Variants in LMNB2 observed in about 807,000 individuals in gnomAD.
LMNB2 encodes the protein lamin-B2.
In LMNB2, 17 loss-of-function variants were observed where a neutral mutation model predicts 69.3. The ratio of observed to expected loss-of-function variants is 0.25; its 90% CI spans 0.17 to 0.37. The LOEUF (loss-of-function observed/expected upper bound fraction) is 0.37, where lower values mean the gene tolerates loss of function less well. Among genes scored for constraint, LMNB2 ranks in the 10% least tolerant of loss-of-function variants. The pLI is 1.00. For missense variants in LMNB2, 789 were observed against 883.6 expected (o/e 0.89, Z 1.36); for synonymous variants, 397 against 389.3 (o/e 1.02, Z -0.23).
chr19:2,448,630 G>A (rs780617230), intron 1 of LMNB2, among the ~76,000 whole-genome samples: 9 of 152,080 alleles, frequency 5.9e-5, no homozygotes, highest in Non-Finnish European at 1.3e-4. Flanking sequence ...GGCGGATTAC[G>A]AGGTTAGGAG....
At chr19:2,434,717 C>A in intron 6 of LMNB2, 71 bp downstream of exon 6, 2 of 1,544,982 alleles carry the variant, frequency 1.3e-6, no homozygotes, top group Non-Finnish European at 8.7e-7. Flanking sequence ...GAGCCCCACG[C>A]CCCGCACATC....
At chr19:2,436,705 C>T (rs62119865) in intron 4 of LMNB2, 1 of 154,868 alleles carries the variant, frequency 6.5e-6, no homozygotes, top group Non-Finnish European at 1.4e-5. Context: ...GGCCGCGCAC[C>T]CACCTCCACG....
At chr19:2,431,308 C>T (rs564612685) in intron 11 of LMNB2, among the ~76,000 whole-genome samples, 1 of 152,168 alleles carries the variant, frequency 6.6e-6, no homozygotes, top group African/African-American at 2.4e-5. Context: ...TCTCAGGGGA[C>T]CCCCTGGCCA....
rs1413683076 is a variant in LMNB2 at position 2,429,399 on chromosome 19, G to C, written c.*1512C>G. 1 of 152,308 alleles carries C rather than the reference G, an allele frequency of 6.6e-6. No individual in the cohort carries two copies. Among genetic ancestry groups the C allele is most frequent in the African/African-American group, 2.4e-5 (1 of 41,472 alleles). The allele number at this position is 152,308 out of a possible 1,614,324, so 9.4% of individuals were successfully genotyped here. Reference sequence around the variant, plus strand: ...GATGCGCCCCCCTCTATCTACATGGGACCGGGACTTCTGAGAGCAAGGACA... The same window carrying C: ...GATGCGCCCCCCTCTATCTACATGGCACCGGGACTTCTGAGAGCAAGGACA... On this transcript the variant is annotated 3_prime_UTR_variant, in exon 12 of 12. Coordinates refer to ENST00000325327, the MANE Select transcript of LMNB2 (RefSeq NM_032737.4).
intron 2 of LMNB2, 99 bp from the exon 3 acceptor site, chr19:2,438,630 C>T (rs889119808): frequency 1.8e-5 from 25 of 1,416,566 alleles, no homozygotes; most frequent in East Asian, 7.1e-5. Flanking sequence ...ACAAGGTCAC[C>T]GAGGCCTCCG....
chr19:2,446,495 C>T (rs1971957624), intron 1 of LMNB2, among the ~76,000 whole-genome samples: 1 of 152,246 alleles, frequency 6.6e-6, no homozygotes, highest in Non-Finnish European at 1.5e-5. Context: ...TGCCCGGCCT[C>T]TGCACGCGCC....
intron 1 of LMNB2, among the ~76,000 whole-genome samples, chr19:2,444,971 G>A (rs1043440491): frequency 1.3e-5 from 2 of 152,200 alleles, no homozygotes; most frequent in African/African-American, 2.4e-5. Context: ...CCCCTTGGCC[G>A]CTGTCATAGC....
chr19:2,429,127 G>A lies in LMNB2; in HGVS notation c.*1784C>T, dbSNP rs1255735002. The A allele has an allele frequency of 1.3e-5, 2 of 152,296 alleles. No homozygotes were observed. Among genetic ancestry groups the A allele is most frequent in the South Asian group, 4.1e-4 (2 of 4,838 alleles). 9.4% of individuals were successfully genotyped at this position (152,296 alleles called of 1,614,324 possible). On this transcript the variant is annotated 3_prime_UTR_variant, in exon 12 of 12. Transcript: ENST00000325327. ...GCCAAAATACATAGGATGTGGCTGAGACCACTGCAGACTCCCCATAGGACA... is the reference window on the plus strand; with the variant it reads ...GCCAAAATACATAGGATGTGGCTGAAACCACTGCAGACTCCCCATAGGACA...
rs1194694003 is a variant in LMNB2 at position 2,447,701 on chromosome 19, T to C, written c.265-3161A>G. Among the ~76,000 whole-genome samples, 1 of 152,144 alleles carries C rather than the reference T, an allele frequency of 6.6e-6. No homozygotes were observed. Among genetic ancestry groups the C allele is most frequent in the Non-Finnish European group, 1.5e-5 (1 of 68,028 alleles). On this transcript the variant is annotated intron_variant, in intron 1 of 11. Transcript: ENST00000325327. The surrounding 1 kb of genome is among the most constrained non-coding windows in gnomAD (Gnocchi z 4.4). Reference sequence around the variant, plus strand: ...GCCAAGGGTGTCTATGCAAGGTGGGTACAGGGTCGGCCTGCATCTGGAGGG... The same window carrying C: ...GCCAAGGGTGTCTATGCAAGGTGGGCACAGGGTCGGCCTGCATCTGGAGGG...
chr19:2,431,030 A>C, intron 11 of LMNB2, 78 bp from the exon 12 acceptor site: 1 of 869,554 alleles, frequency 1.2e-6, no homozygotes, highest in Non-Finnish European at 2.0e-6. Context: ...GGCTGCCCCC[A>C]CCTCCCCACC....
Position 2,447,124 on chromosome 19 carries a change from A to C in LMNB2, c.265-2584T>G, listed in dbSNP as rs1971965345. Among the ~76,000 whole-genome samples the C allele has an allele frequency of 6.6e-6, 1 of 152,144 alleles. No individual in the cohort carries two copies. Among genetic ancestry groups the C allele is most frequent in the Non-Finnish European group, 1.5e-5 (1 of 68,042 alleles). The stretch of plus-strand genomic sequence containing the variant: ...GCACCACTGCCCTCCAGCCTGGGAG[A>C]CAGAGCGAGACTCAGTTTCAAAATA... On this transcript the variant is annotated intron_variant, in intron 1 of 11. Coordinates refer to ENST00000325327, the MANE Select transcript of LMNB2 (RefSeq NM_032737.4). The surrounding 1 kb of genome is among the most constrained non-coding windows in gnomAD (Gnocchi z 4.4).
chr19:2,454,030 C>T (rs1198667977), intron 1 of LMNB2, among the ~76,000 whole-genome samples: 1 of 152,156 alleles, frequency 6.6e-6, no homozygotes, highest in Non-Finnish European at 1.5e-5. Context: ...CGGCGGCTCA[C>T]ACCTGTAATC....
At chr19:2,451,758 C>T (rs923591914) in intron 1 of LMNB2, among the ~76,000 whole-genome samples, 3 of 152,164 alleles carry the variant, frequency 2.0e-5, no homozygotes, top group African/African-American at 7.2e-5. Flanking sequence ...CAGCATAACT[C>T]GGCTGGAGGA....
intron 11 of LMNB2, 68 bp downstream of exon 11, chr19:2,431,480 T>G: frequency 6.3e-7 from 1 of 1,599,756 alleles, no homozygotes; most frequent in South Asian, 1.1e-5. Context: ...CGCATGTGTA[T>G]GTGTGTGCAC....
At chr19:2,452,364 G>T (rs1972031964) in intron 1 of LMNB2, among the ~76,000 whole-genome samples, 1 of 151,858 alleles carries the variant, frequency 6.6e-6, no homozygotes, top group South Asian at 2.1e-4. Context: ...AACCCAGGAG[G>T]TAGAGGTTGC....
At chr19:2,436,749 C>T in intron 4 of LMNB2, 1 of 156,020 alleles carries the variant, frequency 6.4e-6, no homozygotes, top group Non-Finnish European at 1.4e-5. Context: ...GCGCACCCAC[C>T]TCCACGGCCG....
intron 2 of LMNB2, among the ~76,000 whole-genome samples, chr19:2,438,759 T>A (rs544722994): frequency 6.6e-6 from 1 of 152,350 alleles, no homozygotes; most frequent in South Asian, 2.1e-4. Flanking sequence ...GCACCAGCGC[T>A]TGGGACCACC....
In LMNB2 at chr19:2,434,831, C is replaced by A; in HGVS notation, c.938G>T (p.Arg313Leu). 1.9e-6 allele frequency: 3 copies of A among 1,608,826 alleles called. No individual in the cohort carries two copies. The highest frequency in any genetic ancestry group is 2.5e-6 in the Non-Finnish European group (3 of 1,179,152). ...AREELKEARMRLESLSYQLSG... is the reference protein window; with the variant it reads ...AREELKEARMLLESLSYQLSG... ...GAGCTGGTAGCTGAGGGACTCCAGG[C>A]GCATGCGGGCCTCCTTCAGCTCCTC... Residue 313 changes from arginine to leucine, a missense_variant, in exon 6 of 12, where the codon CGC (arginine) becomes CTC (leucine). By Grantham distance (102) the Arg-to-Leu change is moderately radical. Coordinates refer to ENST00000325327, the MANE Select transcript of LMNB2 (RefSeq NM_032737.4).
intron 8 of LMNB2, 82 bp from the exon 9 acceptor site, chr19:2,432,605 C>T (rs1226004923): frequency 1.7e-6 from 2 of 1,159,290 alleles, no homozygotes; most frequent in East Asian, 2.3e-5. Context: ...GGCCCCATCA[C>T]CCTGACCCTG....
Sources: allele counts gnomAD v4.1 joint callset (sites outside exome capture counted in the v4.1 genomes callset), GRCh38; gene constraint gnomAD v4.1.1; non-coding constraint Gnocchi (gnomAD v3.1); transcripts MANE v1.5; gene names NCBI Gene and HGNC (gene_info 2026-07-23, HGNC 2026-07-21).